The following TBL1X variants were observed in gnomAD, a reference collection of about 807,000 sequenced individuals.
The protein encoded by TBL1X is transducin beta like 1 X-linked, also known as F-box-like/WD repeat-containing protein TBL1X.
TBL1X carries 10 observed loss-of-function variants against 50.7 expected under a neutral mutation model. The ratio of observed to expected loss-of-function variants is 0.20; its 90% CI spans 0.12 to 0.33. TBL1X has a LOEUF of 0.33. TBL1X is among the 10% of genes least tolerant of loss of function. The pLI is 1.00. For missense variants in TBL1X, 340 were observed against 504.4 expected, an observed-to-expected ratio of 0.67 and a Z score of 3.12; for synonymous variants, 190 against 214.7, an observed-to-expected ratio of 0.88 and a Z score of 1.01.
chrX:9,560,549 G>C (rs1279959145), intron 2 of TBL1X: 1 of 112,374 alleles, frequency 8.9e-6, no homozygotes, highest in Non-Finnish European at 1.9e-5. Context: ...TGGACAGCTG[G>C]TAAGGTGTCA....
intron 5 of TBL1X, among the ~76,000 whole-genome samples, chrX:9,657,802 A>G (rs985726890): frequency 8.9e-6 from 1 of 112,529 alleles, no homozygotes; most frequent in Non-Finnish European, 1.9e-5. Context: ...TGGTTAAAGC[A>G]AGAATGTTAA....
intron 12 of TBL1X, among the ~76,000 whole-genome samples, chrX:9,697,942 G>A (rs1178508871): frequency 1.8e-5 from 2 of 111,172 alleles, no homozygotes; most frequent in African/African-American, 6.5e-5. Context: ...AACATTAGTC[G>A]GGTGTTGTGG....
At chrX:9,716,001 C>T (rs2083276088) in intron 17 of TBL1X, among the ~76,000 whole-genome samples, 1 of 112,315 alleles carries the variant, frequency 8.9e-6, no homozygotes, top group African/African-American at 3.2e-5. Context: ...GGCCTTTCTG[C>T]TCTGTGCTGT....
intron 2 of TBL1X, among the ~76,000 whole-genome samples, chrX:9,543,332 G>A (rs946892120): frequency 3.6e-5 from 4 of 111,965 alleles, no homozygotes; most frequent in African/African-American, 1.3e-4. Context: ...TGGGGTGGTC[G>A]GCTTGAGTTG....
At chrX:9,609,722 G>T (rs1256467676) in intron 2 of TBL1X, among the ~76,000 whole-genome samples, 1 of 111,182 alleles carries the variant, frequency 9.0e-6, no homozygotes, top group Non-Finnish European at 1.9e-5. Context: ...GGTAAGTGGA[G>T]GGGCTGGGGC....
At chrX:9,703,568 C>T (rs1276052170) in intron 12 of TBL1X, among the ~76,000 whole-genome samples, 1 of 111,601 alleles carries the variant, frequency 9.0e-6, no homozygotes, top group Non-Finnish European at 1.9e-5. Context: ...TGCTCGCTCC[C>T]AGCCGCAGAC....
intron 2 of TBL1X, among the ~76,000 whole-genome samples, chrX:9,589,518 A>G (rs1016135929): frequency 9.0e-6 from 1 of 110,957 alleles, no homozygotes; most frequent in Non-Finnish European, 1.9e-5. Flanking sequence ...GAGCCTTCCG[A>G]TCGGAGTTTG....
At chrX:9,658,926 G>A (rs1431961373) in intron 5 of TBL1X, among the ~76,000 whole-genome samples, 2 of 111,590 alleles carry the variant, frequency 1.8e-5, no homozygotes, top group East Asian at 5.6e-4. Context: ...CACCTCAGTC[G>A]CCCAAGCAGC....
chrX:9,497,924 G>A (rs1422068495), intron 1 of TBL1X, among the ~76,000 whole-genome samples: 1 of 96,776 alleles, frequency 1.0e-5, no homozygotes, highest in Admixed American at 1.1e-4. Flanking sequence ...TTGAGGTGGG[G>A]TCTCGCTAAG....
intron 1 of TBL1X, among the ~76,000 whole-genome samples, chrX:9,474,308 C>T (rs1418196333): frequency 7.1e-5 from 8 of 112,811 alleles, no homozygotes; most frequent in Non-Finnish European, 1.1e-4. Context: ...ATGTAGGTCC[C>T]CAAAGGCTGG....
intron 3 of TBL1X, among the ~76,000 whole-genome samples, chrX:9,641,880 C>T (rs1453458113): frequency 9.0e-6 from 1 of 111,401 alleles, no homozygotes; most frequent in Non-Finnish European, 1.9e-5. Context: ...AGTTGTATTT[C>T]CCTTTTGGTT....
At chrX:9,485,409 T>A (rs2081906185) in intron 1 of TBL1X, among the ~76,000 whole-genome samples, 1 of 112,318 alleles carries the variant, frequency 8.9e-6, no homozygotes, top group Admixed American at 9.5e-5. Flanking sequence ...AACATGTCAG[T>A]CTTTTCTTTG....
At chrX:9,691,745 T>C (rs1457214594) in intron 8 of TBL1X, 34 bp downstream of exon 8, 1 of 1,201,732 alleles carries the variant, frequency 8.3e-7, no homozygotes, top group Middle Eastern at 2.3e-4. Context: ...GCTCCAGAGT[T>C]GGGGAGATGG....
chrX:9,467,286 A>C (rs1461929863), intron 1 of TBL1X, among the ~76,000 whole-genome samples: 1 of 111,371 alleles, frequency 9.0e-6, no homozygotes, highest in Non-Finnish European at 1.9e-5. Context: ...AGATTATCCG[A>C]TCTACTCCTG....
chrX:9,656,486 C>T (rs1471876785), intron 5 of TBL1X, among the ~76,000 whole-genome samples: 1 of 112,496 alleles, frequency 8.9e-6, no homozygotes, highest in Non-Finnish European at 1.9e-5. Flanking sequence ...CACAGAAACC[C>T]CCATCCCTCC....
chrX:9,469,208 A>T (rs2081796949), intron 1 of TBL1X, among the ~76,000 whole-genome samples: 3 of 111,612 alleles, frequency 2.7e-5, no homozygotes, highest in African/African-American at 9.8e-5. Flanking sequence ...TCTCTCTCAC[A>T]GCCCAGGCTG....
At chrX:9,578,588 G>A (rs757617533) in intron 2 of TBL1X, among the ~76,000 whole-genome samples, 11 of 111,844 alleles carry the variant, frequency 9.8e-5, no homozygotes, top group Non-Finnish European at 2.1e-4. Flanking sequence ...AGAACCAGAC[G>A]CTGCAATAAG....
chrX:9,482,712 A>G (rs1215626525), intron 1 of TBL1X, among the ~76,000 whole-genome samples: 3 of 110,212 alleles, frequency 2.7e-5, no homozygotes, highest in Non-Finnish European at 5.7e-5. Flanking sequence ...CCCTTTTTCT[A>G]TCTCTATAGC....
At chrX:9,490,819 T>A (rs1322613949) in intron 1 of TBL1X, among the ~76,000 whole-genome samples, 1 of 112,016 alleles carries the variant, frequency 8.9e-6, no homozygotes, top group Admixed American at 9.5e-5. Flanking sequence ...TGTTTATTAG[T>A]AGCTTAATAA....
Sources: allele counts gnomAD v4.1 joint callset (sites outside exome capture counted in the v4.1 genomes callset), GRCh38; gene constraint gnomAD v4.1.1; transcripts MANE v1.5; gene names NCBI Gene and HGNC (gene_info 2026-07-23, HGNC 2026-07-21).